The following ARHGAP39 variants were observed in gnomAD, a reference collection of about 807,000 sequenced individuals.
The protein encoded by ARHGAP39 is rho GTPase-activating protein 39.
ARHGAP39 carries 44 observed loss-of-function variants against 106.9 expected under a neutral mutation model. The observed-to-expected ratio is 0.41, with a 90% CI of 0.32 to 0.53. ARHGAP39 has a LOEUF of 0.53. ARHGAP39 is among the 20% of genes least tolerant of loss of function. The pLI is 0.21. For missense variants in ARHGAP39, 1,496 were observed against 1,577.3 expected, an observed-to-expected ratio of 0.95 and a Z score of 0.87; for synonymous variants, 768 against 693.2, an observed-to-expected ratio of 1.11 and a Z score of -1.69.
rs932519415 is a variant in ARHGAP39 at position 144,604,842 on chromosome 8, A to G, written c.80+693T>C. 1.3e-5 allele frequency among the ~76,000 whole-genome samples: 2 copies of G among 152,228 alleles called. No individual in the cohort carries two copies. Among genetic ancestry groups the G allele is most frequent in the African/African-American group, 4.8e-5 (2 of 41,456 alleles). On this transcript the variant is annotated intron_variant, in intron 2 of 11. Coordinates refer to ENST00000377307, the MANE Select transcript of ARHGAP39 (RefSeq NM_025251.3). This position sits in a 1 kb window ranked among gnomAD's most constrained non-coding sequence, Gnocchi z 4.1. ...CTCACGCTCTCACACCGCCACCCCC[A>G]AAAGCATTCAGAGGCGACGGGAGCA...
At chr8:144,664,171 A>G (rs535771291) in intron 1 of ARHGAP39, among the ~76,000 whole-genome samples, 23 of 152,036 alleles carry the variant, frequency 1.5e-4, no homozygotes, top group Non-Finnish European at 2.6e-4. Flanking sequence ...TGTCCCCCCA[A>G]AAAAAAGAAA....
chr8:144,582,245 C>T (rs555540644), intron 2 of ARHGAP39, among the ~76,000 whole-genome samples: 1 of 152,130 alleles, frequency 6.6e-6, no homozygotes, highest in African/African-American at 2.4e-5. Context: ...AAGAGCCCCC[C>T]TGGCGGCCGG....
upstream of ARHGAP39, among the ~76,000 whole-genome samples, chr8:144,688,537 G>A (rs7003930): frequency 0.038 from 5,825 of 152,268 alleles, 379 homozygotes; most frequent in African/African-American, 0.13. Flanking sequence ...CTTGAGATCA[G>A]GAATTCGAGA....
chr8:144,558,124 T>G (rs550204770), intron 3 of ARHGAP39, among the ~76,000 whole-genome samples: 116 of 152,308 alleles, frequency 7.6e-4, no homozygotes, highest in African/African-American at 2.5e-3. Flanking sequence ...CACAGGTTAG[T>G]GAGGAATGTG....
chr8:144,538,564 G>GA (rs1268394738), intron 6 of ARHGAP39, among the ~76,000 whole-genome samples: 1 of 152,148 alleles, frequency 6.6e-6, no homozygotes, highest in Non-Finnish European at 1.5e-5. Context: ...TATGGACTTA[G>GA]TTTTTTCTTC....
chr8:144,618,074 G>A (rs1158874870), intron 1 of ARHGAP39, among the ~76,000 whole-genome samples: 1 of 152,126 alleles, frequency 6.6e-6, no homozygotes, highest in South Asian at 2.1e-4. Flanking sequence ...GAGCCACCAC[G>A]CCTGGCCTAA....
rs2130951246 is a variant in ARHGAP39 at position 144,608,659 on chromosome 8, C to T, written c.-81-2964G>A. On this transcript the variant is annotated intron_variant, in intron 1 of 11. Transcript: ENST00000377307. ...AAATAGCCTGCTGGGATTTTGATTG[C>T]AGTTGTGTTGAATCTATCGATGAGT... Among the ~76,000 whole-genome samples, 3 of 152,332 alleles carry T rather than the reference C, an allele frequency of 2.0e-5. No individual in the cohort carries two copies. In the East Asian group the frequency reaches 5.8e-4, roughly 29 times the overall value.
Position 144,529,340 on chromosome 8 carries a change from A to G in ARHGAP39, c.*1082T>C, listed in dbSNP as rs1209393678. ...TGGGGCTTTTGTTTTTAATAAATAA[A>G]AACGGAACTCTAAAAAATATATATA... On this transcript the variant is annotated 3_prime_UTR_variant, in exon 12 of 12. Transcript: ENST00000377307. 1 of 157,638 alleles carries G rather than the reference A, an allele frequency of 6.3e-6. No individual in the cohort carries two copies. The allele number at this position is 157,638 out of a possible 1,614,324, so 9.8% of individuals were successfully genotyped here.
chr8:144,694,581 G>A, the ARHGAP39 span, among the ~76,000 whole-genome samples: 7 of 152,202 alleles, frequency 4.6e-5, no homozygotes, highest in South Asian at 2.1e-4. Context: ...TGAGTTGTGC[G>A]GTAGTAACAA....
In ARHGAP39 at chr8:144,547,563, G is replaced by T. The variant is rs1340071131; in HGVS notation, c.1523C>A (p.Thr508Asn). The T allele has an allele frequency of 6.8e-7, 1 of 1,471,110 alleles. No homozygotes were observed. Among genetic ancestry groups the T allele is most frequent in the Non-Finnish European group, 9.0e-7 (1 of 1,113,560 alleles). 91.1% of individuals were successfully genotyped at this position (1,471,110 alleles called of 1,614,324 possible). The change falls in exon 5 of 12, where the codon ACC (threonine) becomes AAC (asparagine). Residue 508 changes from threonine (T) to asparagine (N), a missense_variant. Coordinates refer to ENST00000377307, the MANE Select transcript of ARHGAP39 (RefSeq NM_025251.3). The surrounding 1 kb of genome is among the most constrained non-coding windows in gnomAD (Gnocchi z 5.2). ...CAGGTCCCCGGGGCCCTCAGTGGGGGTGGCGCTGGTGGCTTGGCACAAAGA... is the reference window on the plus strand; with the variant it reads ...CAGGTCCCCGGGGCCCTCAGTGGGGTTGGCGCTGGTGGCTTGGCACAAAGA... Reference protein sequence around the residue: ...KPSLCQATSATPTEGPGDLLV... With the variant: ...KPSLCQATSANPTEGPGDLLV...
At chr8:144,694,880 G>A in the ARHGAP39 span, among the ~76,000 whole-genome samples, 1 of 152,108 alleles carries the variant, frequency 6.6e-6, no homozygotes, top group Non-Finnish European at 1.5e-5. Flanking sequence ...GTCGTAGGCA[G>A]GAGTTATTGC....
chr8:144,580,861 T>C lies in ARHGAP39; in HGVS notation c.497A>G (p.Lys166Arg), dbSNP rs1462907540. ...AGRPAAFGTV[K>R]EDSGSSSPPG... ...CCGCCCTCACCTGCCGCTGTCCTCCTTCACTGTCCCAAACGCCGCGGGCCG... is the reference window on the plus strand; with the variant it reads ...CCGCCCTCACCTGCCGCTGTCCTCCCTCACTGTCCCAAACGCCGCGGGCCG... The change falls in exon 3 of 12, where the codon AAG becomes AGG. Residue 166 changes from lysine to arginine, a missense_variant. Transcript: ENST00000377307. 6.4e-7 allele frequency: 1 copy of C among 1,560,818 alleles called. No homozygotes were observed. The highest frequency in any genetic ancestry group is 1.2e-5 in the South Asian group (1 of 85,124).
chr8:144,584,365 T>C (rs971249987), intron 2 of ARHGAP39, among the ~76,000 whole-genome samples: 1 of 152,232 alleles, frequency 6.6e-6, no homozygotes, highest in African/African-American at 2.4e-5. Context: ...GATTTTTGTT[T>C]ACTGTGTGAA....
Position 144,530,218 on chromosome 8 carries a change from G to A in ARHGAP39, c.*204C>T, listed in dbSNP as rs990989226. 1 of 597,404 alleles carries A rather than the reference G, an allele frequency of 1.7e-6. No homozygotes were observed. The highest frequency in any genetic ancestry group is 2.2e-5 in the South Asian group (1 of 45,768). 37.0% of individuals were successfully genotyped at this position (597,404 alleles called of 1,614,324 possible). Reference sequence around the variant, plus strand: ...CTGGCCGTGAGGTGGGGGGCCAGAGGCGCCCTCCCCGCCGCTGCTGTGCCC... The same window carrying A: ...CTGGCCGTGAGGTGGGGGGCCAGAGACGCCCTCCCCGCCGCTGCTGTGCCC... On this transcript the variant is annotated 3_prime_UTR_variant, in exon 12 of 12. Transcript: ENST00000377307.
the ARHGAP39 span, chr8:144,698,567 C>T: frequency 3.8e-6 from 1 of 260,350 alleles, no homozygotes; most frequent in South Asian, 3.4e-5. Context: ...CCATCTAGAG[C>T]TTTCTTAATG....
intron 1 of ARHGAP39, among the ~76,000 whole-genome samples, chr8:144,681,986 C>T (rs1586656064): frequency 6.6e-6 from 1 of 152,104 alleles, no homozygotes; most frequent in South Asian, 2.1e-4. Context: ...TCTTACTTCT[C>T]GGCCGGGTGC....
chr8:144,638,740 G>A (rs543927669), intron 1 of ARHGAP39, among the ~76,000 whole-genome samples: 2 of 151,874 alleles, frequency 1.3e-5, no homozygotes, highest in Non-Finnish European at 2.9e-5. Context: ...CTCAATTTTC[G>A]AGACTTTTGA....
chr8:144,547,378 T>C lies in ARHGAP39; in HGVS notation c.1708A>G (p.Met570Val), dbSNP rs1817479219. The C allele has an allele frequency of 1.3e-6, 2 of 1,599,224 alleles. No homozygotes were observed. Among genetic ancestry groups the C allele is most frequent in the Non-Finnish European group, 1.7e-6 (2 of 1,177,932 alleles). Residue 570 changes from methionine to valine, a missense_variant, in exon 5 of 12, where the codon ATG (methionine) becomes GTG (valine). Around this residue, in one of 4 missense-constraint regions of ARHGAP39, gnomAD observed 905 missense variants for 816.4 expected, o/e 1.11. Transcript: ENST00000377307. The surrounding 1 kb of genome is among the most constrained non-coding windows in gnomAD (Gnocchi z 5.2). ...AWEAQQAHFH[M>V]KQRSSWDSQQ... is the part of the protein sequence containing the mutation. ...GAGTCCCAGCTGCTCCTCTGCTTCA[T>C]GTGGAAGTGGGCCTGCTGCGCCTCC... is the stretch of plus-strand genomic sequence containing the variant.
At chr8:144,579,399 T>C (rs746131717) in intron 3 of ARHGAP39, among the ~76,000 whole-genome samples, 10 of 152,050 alleles carry the variant, frequency 6.6e-5, no homozygotes, top group Non-Finnish European at 1.2e-4. Flanking sequence ...GGATGTGAAA[T>C]GTAGGCCCTG....
Sources: gnomAD v4.1 joint callset for allele counts (sites outside exome capture counted in the v4.1 genomes callset) on GRCh38, gnomAD v4.1.1 for gene constraint, gnomAD v4.1.1 regional missense constraint, Gnocchi (gnomAD v3.1) non-coding constraint, MANE v1.5 for transcripts, NCBI Gene and HGNC (gene_info 2026-07-23, HGNC 2026-07-21) for gene names.